ACSBG2: variants seen among roughly 807,000 people sequenced by gnomAD.
The protein encoded by ACSBG2 is long-chain-fatty-acid--CoA ligase ACSBG2.
Under a neutral mutation model 74.7 loss-of-function variants are expected in ACSBG2, and 62 were observed. The ratio of observed to expected loss-of-function variants is 0.83; its 90% CI spans 0.68 to 1.03. The LOEUF is 1.03. Among genes scored for constraint, ACSBG2 ranks in the 50% least tolerant of loss-of-function variants. The pLI is 0.00. For missense variants in ACSBG2, 730 were observed against 817.6 expected (o/e 0.89, Z 1.31); for synonymous variants, 309 against 294.1 (o/e 1.05, Z -0.52).
chr19:6,141,503 T>C lies in ACSBG2; in HGVS notation c.-31-10T>C, dbSNP rs759508180. Reference sequence around the variant, plus strand: ...AATCCTGTTAAACTCCCTGCTTTTTTGCTTTGCAGTGCTGTGGAGCATGGT... The same window carrying C: ...AATCCTGTTAAACTCCCTGCTTTTTCGCTTTGCAGTGCTGTGGAGCATGGT... On this transcript the variant is annotated splice_polypyrimidine_tract_variant and intron_variant, in intron 1 of 14. Coordinates refer to ENST00000588485, the MANE Select transcript of ACSBG2 (RefSeq NM_030924.5). 1.4e-6 allele frequency: 2 copies of C among 1,411,052 alleles called. No individual in the cohort carries two copies. The highest frequency in any genetic ancestry group is 2.8e-5 in the African/African-American group (2 of 70,988). The allele number at this position is 1,411,052 out of a possible 1,614,324, so 87.4% of individuals were successfully genotyped here.
chr19:6,139,093 T>TTA (rs902628205), intron 1 of ACSBG2, among the ~76,000 whole-genome samples: 1 of 12,360 alleles, frequency 8.1e-5, no homozygotes, highest in African/African-American at 6.6e-4. Flanking sequence ...ATTAAACTTA[T>TTA]TTTTTTTTTT....
At chr19:6,166,810 T>C (rs111841869) in intron 7 of ACSBG2, among the ~76,000 whole-genome samples, 2 of 152,028 alleles carry the variant, frequency 1.3e-5, no homozygotes, top group Non-Finnish European at 2.9e-5. Context: ...ACTAATTTTT[T>C]GTATTTTGGG....
At position 6,187,194 on chromosome 19, in the gene ACSBG2, G is replaced by A. The variant is rs569658874; in HGVS notation, c.1541-89G>A. On this transcript the variant is annotated intron_variant, in intron 11 of 14. Transcript: ENST00000588485. ...TAATTTTTGTATATTTAGTAGAGAC[G>A]GGGTTTCACCATGTTGGCCAGGCTG... 1.7e-4 allele frequency: 266 copies of A among 1,554,512 alleles called. No homozygotes were observed. In the African/African-American group the frequency reaches 2.1e-3, roughly 12 times the overall value.
chr19:6,190,417 T>C (rs1338466816), intron 13 of ACSBG2, 167 bp from the exon 14 acceptor site: 2 of 587,078 alleles, frequency 3.4e-6, no homozygotes, highest in East Asian at 3.0e-5. Context: ...CACATGGAAG[T>C]TTTATCATCC....
chr19:6,182,749 AG>A lies in ACSBG2; in HGVS notation c.908del. ...TGGCTAACCTAGCTTCGTTCCATACAGGGCACCTTGGTAAGTACTCTAAAGG... is the reference window on the plus strand; with the variant it reads ...TGGCTAACCTAGCTTCGTTCCATACAGGCACCTTGGTAAGTACTCTAAAGG... On this transcript the variant is annotated splice_acceptor_variant, in intron 8 of 14. Transcript: ENST00000588485. LOFTEE classifies it high-confidence loss of function. 6.2e-7 allele frequency: 1 copy of A among 1,613,740 alleles called. No individual in the cohort carries two copies. Among genetic ancestry groups the A allele is most frequent in the Non-Finnish European group, 8.5e-7 (1 of 1,179,806 alleles).
intron 3 of ACSBG2, among the ~76,000 whole-genome samples, chr19:6,150,340 C>CA (rs780596761): frequency 0.18 from 12,270 of 68,374 alleles, 741 homozygotes; most frequent in African/African-American, 0.3. Context: ...GGATATTTAA[C>CA]AAAAAAAAAA....
At chr19:6,183,524 C>A (rs2090321085) in intron 10 of ACSBG2, among the ~76,000 whole-genome samples, 1 of 152,184 alleles carries the variant, frequency 6.6e-6, no homozygotes, top group African/African-American at 2.4e-5. Flanking sequence ...GTGAGTTCTG[C>A]CTTCAAGGTC....
chr19:6,182,210 T>TAA (rs768684675), intron 8 of ACSBG2, among the ~76,000 whole-genome samples: 7 of 145,836 alleles, frequency 4.8e-5, no homozygotes, highest in African/African-American at 1.7e-4. Flanking sequence ...AATTTGTATT[T>TAA]AAAAAAAAAA....
At position 6,183,168 on chromosome 19, in the gene ACSBG2, C is replaced by T. The variant is rs1319283947; in HGVS notation, c.1218C>T (p.Ala406=). ...CTGCGCCCCTCAACCAAGAGACTGC[C>T]GAGTTCTTTCTAAGCTTGGACATAC... is the stretch of plus-strand genomic sequence containing the variant. ...SGTAPLNQET[A]EFFLSLDIPI... Residue 406 remains alanine (A), a synonymous_variant, in exon 10 of 15, where the codon GCC becomes GCT. Transcript: ENST00000588485. 9 of 1,614,100 alleles carry T rather than the reference C, an allele frequency of 5.6e-6. No individual in the cohort carries two copies. The highest frequency in any genetic ancestry group is 2.7e-5 in the African/African-American group (2 of 74,942).
intron 7 of ACSBG2, among the ~76,000 whole-genome samples, chr19:6,166,731 G>C (rs150130040): frequency 2.1e-4 from 32 of 152,014 alleles, no homozygotes; most frequent in African/African-American, 6.0e-4. Context: ...ACTGCCTCCT[G>C]GGTTCAAGCA....
At chr19:6,138,602 G>GAGGA (rs112561156) in intron 1 of ACSBG2, among the ~76,000 whole-genome samples, 9,645 of 96,210 alleles carry the variant, frequency 0.1, 748 homozygotes, top group African/African-American at 0.17. Flanking sequence ...AAGAGAGAGG[G>GAGGA]AGGAAGGAAG....
At chr19:6,184,839 A>G (rs1370218713) in intron 10 of ACSBG2, among the ~76,000 whole-genome samples, 13 of 102,310 alleles carry the variant, frequency 1.3e-4, no homozygotes, top group African/African-American at 7.9e-4. Context: ...GATGAAAAAA[A>G]AAAAAAAAAA....
chr19:6,161,340 T>C, intron 6 of ACSBG2, 45 bp downstream of exon 6: 1 of 1,582,728 alleles, frequency 6.3e-7, no homozygotes. Flanking sequence ...GGGCGGGGCC[T>C]TGCAAGAAAA....
chr19:6,144,692 T>C lies in ACSBG2; in HGVS notation c.68-2754T>C, dbSNP rs529917189. ...GTGTCTGTTTTTTTTGTTGTTTTTT[T>C]CTTTTTCTTTTTTTTTCTTTGAGAC... On this transcript the variant is annotated intron_variant, in intron 2 of 14. Transcript: ENST00000588485. Among the ~76,000 whole-genome samples, 9 of 152,156 alleles carry C rather than the reference T, an allele frequency of 5.9e-5. No homozygotes were observed. In the South Asian group the frequency reaches 1.9e-3, roughly 32 times the overall value.
chr19:6,191,717 T>C (rs999950035), intron 14 of ACSBG2: 3 of 152,180 alleles, frequency 2.0e-5, no homozygotes, highest in Non-Finnish European at 4.4e-5. Flanking sequence ...GTACTAAAGG[T>C]TAGGACTTCA....
At chr19:6,173,806 C>T (rs2090024927) in intron 7 of ACSBG2, among the ~76,000 whole-genome samples, 2 of 152,140 alleles carry the variant, frequency 1.3e-5, no homozygotes, top group South Asian at 4.1e-4. Context: ...TGGTTCCAAA[C>T]CACAAGGCTT....
At chr19:6,137,160 G>T (rs962446359) in intron 1 of ACSBG2, among the ~76,000 whole-genome samples, 21 of 143,598 alleles carry the variant, frequency 1.5e-4, no homozygotes, top group Admixed American at 7.3e-4. Context: ...CTGGTGTGGT[G>T]GCTCACACCT....
At chr19:6,177,875 AGTGTGTGTGTGTGTGTGTGT>A (rs3036311) in intron 8 of ACSBG2, among the ~76,000 whole-genome samples, 4 of 143,520 alleles carry the variant, frequency 2.8e-5, no homozygotes, top group South Asian at 2.3e-4. Flanking sequence ...GAAAGTAAAG[AGTGTGTGTGTGTGTGTGTGT>A]GTGTGTGTGT....
chr19:6,178,701 C>A (rs2090158230), intron 8 of ACSBG2, among the ~76,000 whole-genome samples: 1 of 152,116 alleles, frequency 6.6e-6, no homozygotes, highest in South Asian at 2.1e-4. Flanking sequence ...TTCCTCCATC[C>A]TTTTGCACTT....
Sources: allele counts gnomAD v4.1 joint callset (sites outside exome capture counted in the v4.1 genomes callset), GRCh38; gene constraint gnomAD v4.1.1; transcripts MANE v1.5; gene names NCBI Gene and HGNC (gene_info 2026-07-23, HGNC 2026-07-21).